GAL3ST1: variants seen among roughly 807,000 people sequenced by gnomAD.
GAL3ST1 encodes the protein galactosylceramide sulfotransferase.
A neutral mutation model predicts 25.0 loss-of-function variants in GAL3ST1; 13 were observed. The observed-to-expected ratio is 0.52, with a 90% CI of 0.34 to 0.83. GAL3ST1 has a LOEUF of 0.83. Ranked by LOEUF, GAL3ST1 falls within the 40% of genes least tolerant of loss-of-function variation. The pLI is 0.02. For missense variants in GAL3ST1, 474 were observed against 613.6 expected (o/e 0.77, Z 2.40); for synonymous variants, 274 against 277.8 (o/e 0.99, Z 0.14).
chr22:30,555,450 G>A lies in GAL3ST1; in HGVS notation c.775C>T (p.Leu259=). The change falls in exon 4 of 4, where the codon CTG becomes TTG. Residue 259 remains leucine, a synonymous_variant. Coordinates refer to ENST00000406361, the MANE Select transcript of GAL3ST1 (RefSeq NM_001318104.2). This position sits in a 1 kb window ranked among gnomAD's most constrained non-coding sequence, Gnocchi z 8.6. ...CACAGCAGGTCCTTCAGCAGCACCA[G>A]CGACTCGTCGAAGTACTCTTGAAGG... ...VLLQEYFDES[L]VLLKDLLCWE... The A allele has an allele frequency of 6.2e-7, 1 of 1,612,792 alleles. No individual in the cohort carries two copies.
rs777916848 is a variant in GAL3ST1, at chr22:30,555,356, G to A, written c.869C>T (p.Ser290Leu). ...GGTGGCGCGCCCATACAGCTCCCCCGAGAGCCGCGGCACGGGCGAGTCGCG... is the reference window on the plus strand; with the variant it reads ...GGTGGCGCGCCCATACAGCTCCCCCAAGAGCCGCGGCACGGGCGAGTCGCG... ...ARRDSPVPRL[S>L]GELYGRATAW... is the part of the protein sequence containing the mutation. The change falls in exon 4 of 4, where the codon TCG (serine) becomes TTG (leucine). Residue 290 changes from serine to leucine, a missense_variant. This residue lies in a region of GAL3ST1 where 359 missense variants were observed against 504.4 expected (regional missense o/e 0.71). Transcript: ENST00000406361. The surrounding 1 kb of genome is among the most constrained non-coding windows in gnomAD (Gnocchi z 8.6). 4 of 1,608,066 alleles carry A rather than the reference G, an allele frequency of 2.5e-6. No homozygotes were observed. Among genetic ancestry groups the A allele is most frequent in the African/African-American group, 1.3e-5 (1 of 75,038 alleles).
intron 1 of GAL3ST1, among the ~76,000 whole-genome samples, chr22:30,559,871 C>A (rs540376551): frequency 6.6e-6 from 1 of 152,372 alleles, no homozygotes; most frequent in South Asian, 2.1e-4. Context: ...TTGTCCCGAA[C>A]TTTCCACTTC....
At chr22:30,572,271 T>G (rs1287203576) in intron 1 of GAL3ST1, among the ~76,000 whole-genome samples, 2 of 152,212 alleles carry the variant, frequency 1.3e-5, no homozygotes, top group Non-Finnish European at 2.9e-5. Flanking sequence ...CCTAAAACTA[T>G]GTAACAATAT....
At chr22:30,568,352 C>G (rs1161299038) in intron 1 of GAL3ST1, among the ~76,000 whole-genome samples, 1 of 152,206 alleles carries the variant, frequency 6.6e-6, no homozygotes, top group Non-Finnish European at 1.5e-5. Flanking sequence ...CCTCACATAA[C>G]TGGGTCCTGG....
intron 1 of GAL3ST1, among the ~76,000 whole-genome samples, chr22:30,572,480 G>C (rs1246822702): frequency 2.6e-5 from 4 of 152,106 alleles, no homozygotes; most frequent in African/African-American, 9.7e-5. Flanking sequence ...GCTTTCACAG[G>C]CCTGCTGTGA....
rs2086830621 is a variant in GAL3ST1, at chr22:30,573,315, C to CATAG, written c.-120+1150_-120+1151insCTAT. Among the ~76,000 whole-genome samples, 3 of 152,278 alleles carry CATAG rather than the reference C, an allele frequency of 2.0e-5. No individual in the cohort carries two copies. The South Asian group carries it at 6.2e-4, about 32-fold the overall frequency. On this transcript the variant is annotated intron_variant, in intron 1 of 3. Coordinates refer to ENST00000406361, the MANE Select transcript of GAL3ST1 (RefSeq NM_001318104.2). ...CTGAAATGGGGGCCAGGGCAAGACT[C>CATAG]CTATGATTTGGAGTCAGCTCAGCTA...
chr22:30,555,205 G>A lies in GAL3ST1; in HGVS notation c.1020C>T (p.Arg340=). 6.3e-7 allele frequency: 1 copy of A among 1,599,618 alleles called. No homozygotes were observed. Among genetic ancestry groups the A allele is most frequent in the Non-Finnish European group, 8.5e-7 (1 of 1,175,840 alleles). The change falls in exon 4 of 4, where the codon CGC becomes CGT. Residue 340 remains arginine, a synonymous_variant. Coordinates refer to ENST00000406361, the MANE Select transcript of GAL3ST1 (RefSeq NM_001318104.2). This position sits in a 1 kb window ranked among gnomAD's most constrained non-coding sequence, Gnocchi z 8.6. ...EVAALRHANE[R]MRTICIDGGH... ...CCCCGTCGATGCAGATGGTCCGCATGCGCTCGTTGGCATGGCGCAGGGCGG... is the reference window on the plus strand; with the variant it reads ...CCCCGTCGATGCAGATGGTCCGCATACGCTCGTTGGCATGGCGCAGGGCGG...
In GAL3ST1 at chr22:30,555,734, C is replaced by G. The variant is rs754817752; in HGVS notation, c.491G>C (p.Arg164Pro). 1 of 1,613,982 alleles carries G rather than the reference C, an allele frequency of 6.2e-7. No individual in the cohort carries two copies. Among genetic ancestry groups the G allele is most frequent in the Non-Finnish European group, 8.5e-7 (1 of 1,180,012 alleles). Residue 164 changes from arginine to proline, a missense_variant, in exon 4 of 4, where the codon CGC (arginine) becomes CCC (proline). By Grantham distance (103) the Arg-to-Pro change is moderately radical (BLOSUM62 -2). Transcript: ENST00000406361. The surrounding 1 kb of genome is among the most constrained non-coding windows in gnomAD (Gnocchi z 8.6). ...GGACTCGAACAAGCGGGCGGGGTCG[C>G]GGAGCACCGTGATGAAGATGGCGTT... is the stretch of plus-strand genomic sequence containing the variant. ...PTNAIFITVL[R>P]DPARLFESSF... is the part of the protein sequence containing the mutation.
intron 1 of GAL3ST1, among the ~76,000 whole-genome samples, chr22:30,562,306 T>G (rs1299762551): frequency 6.6e-6 from 1 of 152,082 alleles, no homozygotes; most frequent in Non-Finnish European, 1.5e-5. Context: ...ATTTCCCACC[T>G]CGGCCGCTCA....
chr22:30,571,012 ACAC>A (rs1006443404), intron 1 of GAL3ST1, among the ~76,000 whole-genome samples: 3 of 146,654 alleles, frequency 2.0e-5, no homozygotes, highest in Non-Finnish European at 4.6e-5. Context: ...ACACACACAC[ACAC>A]TCTTTACAAA....
In GAL3ST1 at chr22:30,555,895, G is replaced by T; in HGVS notation, c.330C>A (p.Asn110Lys). Residue 110 changes from asparagine (N) to lysine (K), a missense_variant, in exon 4 of 4, where the codon AAC (asparagine) becomes AAA (lysine). Around this residue, in one of 2 missense-constraint regions of GAL3ST1, gnomAD observed 359 missense variants for 504.4 expected, o/e 0.71. Coordinates refer to ENST00000406361, the MANE Select transcript of GAL3ST1 (RefSeq NM_001318104.2). This position sits in a 1 kb window ranked among gnomAD's most constrained non-coding sequence, Gnocchi z 8.6. ...QKHRLKFAFP[N>K]GRNDFDYPTF... ...TCGGGTAGTCGAAGTCATTGCGGCC[G>T]TTAGGGAAGGCGAACTTGAGCCGGT... is the stretch of plus-strand genomic sequence containing the variant. 2 of 1,614,186 alleles carry T rather than the reference G, an allele frequency of 1.2e-6. No individual in the cohort carries two copies. Among genetic ancestry groups the T allele is most frequent in the Admixed American group, 1.7e-5 (1 of 60,032 alleles).
At chr22:30,557,705 C>T in intron 2 of GAL3ST1, 1 of 278,716 alleles carries the variant, frequency 3.6e-6, no homozygotes, top group Non-Finnish European at 6.6e-6. Context: ...AAACTTTCCA[C>T]TCCTTTTAAT....
intron 1 of GAL3ST1, among the ~76,000 whole-genome samples, chr22:30,568,670 T>C (rs539855019): frequency 6.6e-6 from 1 of 152,168 alleles, no homozygotes; most frequent in Admixed American, 6.5e-5. Context: ...CCCAGGGCAA[T>C]TGAGAAACAA....
intron 1 of GAL3ST1, chr22:30,564,754 C>T (rs1387982789): frequency 6.6e-6 from 1 of 152,270 alleles, no homozygotes; most frequent in Admixed American, 6.5e-5. Context: ...TAGAGCATCA[C>T]CACCAGTCAG....
intron 1 of GAL3ST1, among the ~76,000 whole-genome samples, chr22:30,568,715 C>T (rs191563043): frequency 7.9e-5 from 12 of 152,106 alleles, no homozygotes; most frequent in Admixed American, 2.0e-4. Flanking sequence ...GGTGTGTTTG[C>T]GTGTAATAGG....
chr22:30,573,499 T>C (rs1490700961), intron 1 of GAL3ST1, among the ~76,000 whole-genome samples: 1 of 152,186 alleles, frequency 6.6e-6, no homozygotes, highest in Non-Finnish European at 1.5e-5. Context: ...CTGTGCCCCC[T>C]GTGTGGGCCT....
chr22:30,574,213 AG>A (rs956317023), intron 1 of GAL3ST1, among the ~76,000 whole-genome samples: 8 of 151,966 alleles, frequency 5.3e-5, no homozygotes, highest in African/African-American at 1.9e-4. Context: ...AAGCCCTGGA[AG>A]GGGGGTTGGG....
At chr22:30,557,446 C>G (rs1458417561) in intron 2 of GAL3ST1, 45 bp from the exon 3 acceptor site, 5 of 1,608,462 alleles carry the variant, frequency 3.1e-6, no homozygotes, top group Non-Finnish European at 4.2e-6. Flanking sequence ...GAAGCTGGCC[C>G]CAGGGAGCCC....
In GAL3ST1 at chr22:30,555,322, G is replaced by A. The variant is rs750784866; in HGVS notation, c.903C>T (p.Asn301=). The stretch of plus-strand genomic sequence containing the variant: ...GGCGGTAGAGGTGGGAGTCCAGCAT[G>A]TTCCAGGCGGTGGCGCGCCCATACA... ...GELYGRATAW[N]MLDSHLYRHF... The change falls in exon 4 of 4, where the codon AAC becomes AAT. Residue 301 remains asparagine, a synonymous_variant. Coordinates refer to ENST00000406361, the MANE Select transcript of GAL3ST1 (RefSeq NM_001318104.2). This position sits in a 1 kb window ranked among gnomAD's most constrained non-coding sequence, Gnocchi z 8.6. The A allele has an allele frequency of 6.2e-7, 1 of 1,606,924 alleles. No homozygotes were observed. The highest frequency in any genetic ancestry group is 1.1e-5 in the South Asian group (1 of 90,990).
Sources: gnomAD v4.1 joint callset for allele counts (sites outside exome capture counted in the v4.1 genomes callset) on GRCh38, gnomAD v4.1.1 for gene constraint, gnomAD v4.1.1 regional missense constraint, Gnocchi (gnomAD v3.1) non-coding constraint, MANE v1.5 for transcripts, NCBI Gene and HGNC (gene_info 2026-07-23, HGNC 2026-07-21) for gene names.